NF1: variants seen among roughly 807,000 people sequenced by gnomAD.
The protein encoded by NF1 is neurofibromin 1.
In NF1, 122 loss-of-function variants were observed where a neutral mutation model predicts 325.7. That is an observed-to-expected ratio of 0.37 (90% CI 0.32 to 0.44). The LOEUF is 0.44. Ranked by LOEUF, NF1 falls within the 20% of genes least tolerant of loss-of-function variation. NF1 has a pLI of 1.00. For missense variants in NF1, 2,140 were observed against 3,415.4 expected, an observed-to-expected ratio of 0.63 and a Z score of 9.31; for synonymous variants, 1,091 against 1,186.0, an observed-to-expected ratio of 0.92 and a Z score of 1.65.
chr17:31,356,693 CG>C (rs1754235364), intron 52 of NF1, 111 bp downstream of exon 52: 2 of 1,458,482 alleles, frequency 1.4e-6, no homozygotes, highest in East Asian at 2.4e-5. Context: ...AATATAGAAA[CG>C]TTTGCCATTT....
Position 31,374,883 on chromosome 17 carries a change from A to G in NF1, c.*728A>G. 4.4e-6 allele frequency: 1 copy of G among 229,024 alleles called. No individual in the cohort carries two copies. Among genetic ancestry groups the G allele is most frequent in the Non-Finnish European group, 8.7e-6 (1 of 115,140 alleles). The allele number at this position is 229,024 out of a possible 1,614,324, so 14.2% of individuals were successfully genotyped here. On this transcript the variant is annotated 3_prime_UTR_variant, in exon 58 of 58. Coordinates refer to ENST00000358273, the MANE Select transcript of NF1 (RefSeq NM_001042492.3). Reference sequence around the variant, plus strand: ...TTAAAACTATGGCTTCTAAGTCCTTATCCAAACTCAGTCATCCAAACTAGT... The same window carrying G: ...TTAAAACTATGGCTTCTAAGTCCTTGTCCAAACTCAGTCATCCAAACTAGT...
intron 27 of NF1, 39 bp from the exon 28 acceptor site, chr17:31,235,572 G>A (rs2067184527): frequency 1.2e-6 from 2 of 1,611,490 alleles, no homozygotes; most frequent in African/African-American, 1.3e-5. Flanking sequence ...GAATAAAAAT[G>A]GGATTGTTTG....
chr17:31,138,601 T>G (rs548663205), intron 1 of NF1: 8 of 151,896 alleles, frequency 5.3e-5, no homozygotes, highest in African/African-American at 1.9e-4. Context: ...CTTTAGTTTT[T>G]TTTTTTTTTT....
At chr17:31,316,022 G>A (rs555349875) in intron 36 of NF1, among the ~76,000 whole-genome samples, 1 of 151,858 alleles carries the variant, frequency 6.6e-6, no homozygotes, top group East Asian at 1.9e-4. Context: ...TCAGCCTCTC[G>A]AGTAGCTAGG....
intron 36 of NF1, among the ~76,000 whole-genome samples, chr17:31,307,268 C>T (rs1256968219): frequency 4.0e-5 from 6 of 151,754 alleles, no homozygotes; most frequent in Non-Finnish European, 8.8e-5. Flanking sequence ...ATCTGCCTGC[C>T]TTGGCCTCCC....
intron 1 of NF1, among the ~76,000 whole-genome samples, chr17:31,123,779 T>C (rs1386098911): frequency 6.6e-6 from 1 of 152,186 alleles, no homozygotes; most frequent in Non-Finnish European, 1.5e-5. Flanking sequence ...AATTCTAAAG[T>C]CTGGGAAATC....
intron 57 of NF1, among the ~76,000 whole-genome samples, 162 bp from the exon 58 acceptor site, chr17:31,373,851 T>C (rs2070691286): frequency 2.0e-5 from 3 of 152,244 alleles, no homozygotes; most frequent in African/African-American, 4.8e-5. Context: ...TAGGCTATGC[T>C]ATCTAAGTTC....
chr17:31,334,972 A>G lies in NF1; in HGVS notation c.5947A>G (p.Ile1983Val), dbSNP rs876658484. Residue 1983 changes from isoleucine to valine, a missense_variant, in exon 40 of 58, where the codon ATC becomes GTC. Ile to Val is a conservative substitution (Grantham distance 29, BLOSUM62 3). Around this residue, in one of 10 missense-constraint regions of NF1, gnomAD observed 180 missense variants for 435.1 expected, o/e 0.41. Coordinates refer to ENST00000358273, the MANE Select transcript of NF1 (RefSeq NM_001042492.3). ...TCTTGACAAGCTGATAACAATGACC[A>G]TCAATGAAAAACAGATGTACCCATC... ...AILDKLITMT[I>V]NEKQMYPSIQ... 5.6e-6 allele frequency: 9 copies of G among 1,613,588 alleles called. No homozygotes were observed. Among genetic ancestry groups the G allele is most frequent in the Non-Finnish European group, 7.6e-6 (9 of 1,179,968 alleles).
chr17:31,227,499 A>G (rs2151427366), intron 19 of NF1, 24 bp from the exon 20 acceptor site: 1 of 1,612,610 alleles, frequency 6.2e-7, no homozygotes, highest in Non-Finnish European at 8.5e-7. Flanking sequence ...AGTTGCTTTC[A>G]AGTGATAATT....
At chr17:31,296,749 C>CT (rs965452812) in intron 36 of NF1, 492 of 201,156 alleles carry the variant, frequency 2.4e-3, no homozygotes, top group South Asian at 5.3e-3. Flanking sequence ...GCTGTCGTGT[C>CT]TTTTTTTTTT....
chr17:31,322,439 G>A (rs751037555), intron 36 of NF1, among the ~76,000 whole-genome samples: 5 of 131,884 alleles, frequency 3.8e-5, no homozygotes, highest in Non-Finnish European at 1.6e-5. Flanking sequence ...TGAGATCTTG[G>A]CTGCATGAGC....
rs1054203333 is a variant in NF1, at chr17:31,118,949, T to TTTTC, written c.60+23581_60+23582insTTCT. ...CTATGTCTCTCTCTCTTTTTTTTTT[T>TTTTC]TCTTGAGATGGAGTCTCACTGTGTT... On this transcript the variant is annotated intron_variant, in intron 1 of 57. Transcript: ENST00000358273. 7.5e-3 allele frequency among the ~76,000 whole-genome samples: 1,142 copies of TTTTC among 151,748 alleles called. 20 individuals carry two copies. Among genetic ancestry groups the TTTTC allele is most frequent in the African/African-American group, 0.027 (1,097 of 41,374 alleles).
At chr17:31,273,110 T>A (rs1221410459) in intron 36 of NF1, among the ~76,000 whole-genome samples, 1 of 152,204 alleles carries the variant, frequency 6.6e-6, no homozygotes, top group African/African-American at 2.4e-5. Flanking sequence ...GGGCAAAGAC[T>A]GAGAGGCAAT....
chr17:31,348,160 T>C lies in NF1; in HGVS notation c.7190-960T>C, dbSNP rs1167123399. Among the ~76,000 whole-genome samples the C allele has an allele frequency of 3.3e-5, 3 of 90,086 alleles. 1 individual carries two copies. The highest frequency in any genetic ancestry group is 4.9e-5 in the African/African-American group (1 of 20,392). 59.1% of individuals were successfully genotyped at this position (90,086 alleles called of 152,430 possible). The stretch of plus-strand genomic sequence containing the variant: ...TATGAGGAAGGAAAATTGCACAATT[T>C]AGAGTAGTTATGCCATAGAGAAAAT... On this transcript the variant is annotated intron_variant, in intron 48 of 57. Transcript: ENST00000358273.
chr17:31,285,231 C>A (rs1330919017), intron 36 of NF1, among the ~76,000 whole-genome samples: 1 of 147,862 alleles, frequency 6.8e-6, no homozygotes, highest in Non-Finnish European at 1.5e-5. Context: ...AAACCGAAAT[C>A]GCACCACTGC....
At chr17:31,281,065 T>G (rs2068109649) in intron 36 of NF1, among the ~76,000 whole-genome samples, 1 of 152,208 alleles carries the variant, frequency 6.6e-6, no homozygotes, top group Admixed American at 6.5e-5. Flanking sequence ...GTCACTGGCT[T>G]ATAAAAATAT....
rs1567612446 is a variant in NF1 at position 31,327,614 on chromosome 17, A to G, written c.5384A>G (p.Asp1795Gly). Residue 1795 changes from aspartate to glycine, a missense_variant, in exon 38 of 58, where the codon GAT becomes GGT. Around this residue, in one of 10 missense-constraint regions of NF1, gnomAD observed 147 missense variants for 186.7 expected, o/e 0.79. Coordinates refer to ENST00000358273, the MANE Select transcript of NF1 (RefSeq NM_001042492.3). ...ASEIEEICLV[D>G]ENQFTLTIAN... Reference sequence around the variant, plus strand: ...GAAATTGAAGAAATCTGCCTAGTAGATGAGAACCAGTTCACCTTAACCATT... The same window carrying G: ...GAAATTGAAGAAATCTGCCTAGTAGGTGAGAACCAGTTCACCTTAACCATT... 1 of 1,614,160 alleles carries G rather than the reference A, an allele frequency of 6.2e-7. No homozygotes were observed. The highest frequency in any genetic ancestry group is 8.5e-7 in the Non-Finnish European group (1 of 1,180,020).
intron 39 of NF1, 47 bp from the exon 40 acceptor site, chr17:31,334,791 T>C (rs2069599125): frequency 7.1e-7 from 1 of 1,411,768 alleles, no homozygotes; most frequent in Non-Finnish European, 1.0e-6. Context: ...TAATTGTTGA[T>C]GTGATTTTCA....
chr17:31,341,549 A>G (rs1004350791), intron 47 of NF1, among the ~76,000 whole-genome samples: 10 of 151,582 alleles, frequency 6.6e-5, no homozygotes, highest in Non-Finnish European at 1.5e-4. Context: ...TACATATATT[A>G]CATACACACA....
Sources: gnomAD v4.1 joint callset for allele counts (sites outside exome capture counted in the v4.1 genomes callset) on GRCh38, gnomAD v4.1.1 for gene constraint, gnomAD v4.1.1 regional missense constraint, MANE v1.5 for transcripts, NCBI Gene and HGNC (gene_info 2026-07-23, HGNC 2026-07-21) for gene names.